Variants in RFFL observed in about 807,000 individuals in gnomAD.
RFFL encodes E3 ubiquitin-protein ligase rififylin.
In RFFL, 16 loss-of-function variants were observed where a neutral mutation model predicts 40.4. The observed-to-expected ratio is 0.40, with a 90% CI of 0.27 to 0.60. RFFL has a LOEUF of 0.60. Ranked by LOEUF, RFFL falls within the 20% of genes least tolerant of loss-of-function variation. RFFL has a pLI of 0.47. For synonymous variants in RFFL, 154 were observed against 167.9 expected (o/e 0.92, Z 0.64); for missense variants, 367 against 451.7 (o/e 0.81, Z 1.70).
chr17:35,012,946 G>A (rs1462343056), intron 6 of RFFL, among the ~76,000 whole-genome samples: 1 of 152,172 alleles, frequency 6.6e-6, no homozygotes, highest in Non-Finnish European at 1.5e-5. Flanking sequence ...AGCCCCCAAT[G>A]CCAGTTATAT....
intron 2 of RFFL, among the ~76,000 whole-genome samples, chr17:35,023,728 C>T (rs564229768): frequency 7.2e-5 from 11 of 152,324 alleles, no homozygotes; most frequent in South Asian, 2.1e-4. Flanking sequence ...ATAAAGCCTG[C>T]GTTGCTCAAT....
chr17:35,033,078 G>A (rs560080251), intron 1 of RFFL, among the ~76,000 whole-genome samples: 16 of 152,188 alleles, frequency 1.1e-4, no homozygotes, highest in South Asian at 8.3e-4. Flanking sequence ...AAAATGAAAG[G>A]AAGAGAGGAG....
intron 1 of RFFL, among the ~76,000 whole-genome samples, chr17:35,039,217 A>AT (rs538129578): frequency 6.7e-6 from 1 of 148,172 alleles, no homozygotes; most frequent in Non-Finnish European, 1.5e-5. Context: ...CATATGACAG[A>AT]TTTTTTTCTT....
intron 1 of RFFL, among the ~76,000 whole-genome samples, chr17:35,051,803 G>A (rs750800924): frequency 3.3e-5 from 5 of 152,170 alleles, no homozygotes; most frequent in Non-Finnish European, 7.3e-5. Flanking sequence ...CAGCCCTTTC[G>A]TGAACACTGC....
intron 1 of RFFL, among the ~76,000 whole-genome samples, chr17:35,086,524 T>G (rs1269936519): frequency 6.6e-6 from 1 of 151,874 alleles, no homozygotes; most frequent in Non-Finnish European, 1.5e-5. Flanking sequence ...GCCAAAATCT[T>G]TCTTACACAA....
chr17:35,030,452 G>A (rs2091075547), intron 1 of RFFL, among the ~76,000 whole-genome samples: 2 of 151,922 alleles, frequency 1.3e-5, no homozygotes, highest in Non-Finnish European at 2.9e-5. Flanking sequence ...GTGATGGTGA[G>A]CATTTTTTTG....
At chr17:35,069,182 T>C in intron 1 of RFFL, 1 of 453,464 alleles carries the variant, frequency 2.2e-6, no homozygotes, top group South Asian at 1.6e-5. Flanking sequence ...CTTCTCCTAA[T>C]ACACACACTC....
rs531785220 is a variant in RFFL at position 35,071,325 on chromosome 17, T to G, written c.-9+17780A>C. ...TGGTACAGCAACTCTGGAAAAGAAT[T>G]TAGCAATTTTGGCCCGGTGCGGTGG... On this transcript the variant is annotated intron_variant, in intron 1 of 6. Coordinates refer to the RFFL transcript ENST00000315249. 2.3e-3 allele frequency among the ~76,000 whole-genome samples: 352 copies of G among 152,184 alleles called. 1 individual carries two copies. The highest frequency in any genetic ancestry group is 0.022 in the South Asian group (105 of 4,822).
At chr17:35,059,940 G>A (rs2091282180) in intron 1 of RFFL, among the ~76,000 whole-genome samples, 1 of 152,134 alleles carries the variant, frequency 6.6e-6, no homozygotes, top group South Asian at 2.1e-4. Context: ...ATCTAACAGA[G>A]ATTATTTCCT....
intron 1 of RFFL, among the ~76,000 whole-genome samples, chr17:35,083,704 C>G: frequency 6.6e-6 from 1 of 151,522 alleles, no homozygotes; most frequent in East Asian, 1.9e-4. Flanking sequence ...CTGCTTGAAC[C>G]CAGGAGGCGG....
chr17:35,080,205 A>G (rs1459530335), intron 1 of RFFL, among the ~76,000 whole-genome samples: 2 of 152,200 alleles, frequency 1.3e-5, no homozygotes, highest in Non-Finnish European at 1.5e-5. Flanking sequence ...ATGTAAAATA[A>G]TAATTAGTAT....
intron 3 of RFFL, 48 bp from the exon 4 acceptor site, chr17:35,017,654 C>A (rs370679577): frequency 7.8e-7 from 1 of 1,275,040 alleles, no homozygotes; most frequent in Non-Finnish European, 1.1e-6. Flanking sequence ...TCCCAGAGAT[C>A]TGCATAGCAT....
At chr17:35,079,813 T>G (rs1281499584) in intron 1 of RFFL, among the ~76,000 whole-genome samples, 2 of 152,182 alleles carry the variant, frequency 1.3e-5, no homozygotes, top group Non-Finnish European at 2.9e-5. Flanking sequence ...TATTCTGACA[T>G]CCCTCTTCCC....
At chr17:35,026,889 A>C (rs1403270273) in intron 1 of RFFL, among the ~76,000 whole-genome samples, 1 of 151,980 alleles carries the variant, frequency 6.6e-6, no homozygotes, top group Non-Finnish European at 1.5e-5. Flanking sequence ...TTTTTAGTAG[A>C]GATGGGATTT....
chr17:35,045,752 A>T (rs1029874750), intron 1 of RFFL, among the ~76,000 whole-genome samples: 3 of 152,106 alleles, frequency 2.0e-5, no homozygotes, highest in South Asian at 4.1e-4. Flanking sequence ...GGCGAGGCAC[A>T]GTGGCTCACG....
chr17:35,056,173 T>G (rs2091260080), intron 1 of RFFL, among the ~76,000 whole-genome samples: 1 of 152,020 alleles, frequency 6.6e-6, no homozygotes, highest in African/African-American at 2.4e-5. Flanking sequence ...CTGGATACAC[T>G]TGAATTCCCC....
chr17:35,007,998 C>T lies in RFFL; in HGVS notation c.*3970G>A, dbSNP rs1178232841. ...TCGAGTCATCCACGCACCTCAGCCTCCCAAAGTGCTGGGATTACAGGCGTG... is the reference window on the plus strand; with the variant it reads ...TCGAGTCATCCACGCACCTCAGCCTTCCAAAGTGCTGGGATTACAGGCGTG... On this transcript the variant is annotated 3_prime_UTR_variant, in exon 7 of 7. Coordinates refer to ENST00000394597, the MANE Select transcript of RFFL (RefSeq NM_001017368.2). The T allele has an allele frequency of 6.6e-6, 1 of 152,334 alleles. No homozygotes were observed. The highest frequency in any genetic ancestry group is 1.5e-5 in the Non-Finnish European group (1 of 68,136). 9.4% of individuals were successfully genotyped at this position (152,334 alleles called of 1,614,324 possible).
intron 1 of RFFL, among the ~76,000 whole-genome samples, chr17:35,068,942 G>T (rs1390489152): frequency 1.3e-5 from 2 of 151,722 alleles, no homozygotes; most frequent in African/African-American, 2.4e-5. Context: ...TTAGTTTTCT[G>T]TTTTTTTTCC....
At chr17:35,050,255 A>C (rs746527919) in intron 1 of RFFL, among the ~76,000 whole-genome samples, 1 of 151,722 alleles carries the variant, frequency 6.6e-6, no homozygotes, top group Admixed American at 6.6e-5. Context: ...AAAAATAAAA[A>C]TTAAAAAATA....
Sources: allele counts gnomAD v4.1 joint callset (sites outside exome capture counted in the v4.1 genomes callset), GRCh38; gene constraint gnomAD v4.1.1; transcripts MANE v1.5; gene names NCBI Gene and HGNC (gene_info 2026-07-23, HGNC 2026-07-21).